LRRC17: variants seen among roughly 807,000 people sequenced by gnomAD.
The protein encoded by LRRC17 is leucine-rich repeat-containing protein 17.
LRRC17 carries 33 observed loss-of-function variants against 41.5 expected under a neutral mutation model. That is an observed-to-expected ratio of 0.80 (90% confidence interval 0.60 to 1.06). LRRC17 has a LOEUF of 1.06. LRRC17 is among the 50% of genes least tolerant of loss of function. LRRC17 has a pLI of 0.00. For synonymous variants in LRRC17, 192 were observed against 197.0 expected (o/e 0.97, Z 0.21); for missense variants, 491 against 519.3 (o/e 0.95, Z 0.53).
intron 1 of LRRC17, among the ~76,000 whole-genome samples, chr7:102,915,984 C>CTT (rs1167962491): frequency 2.8e-5 from 4 of 143,954 alleles, no homozygotes; most frequent in Admixed American, 6.9e-5. Context: ...TGAGTTTCTT[C>CTT]TTTTTTTTTT....
chr7:102,943,524 CA>C (rs1278880599), intron 3 of LRRC17, among the ~76,000 whole-genome samples: 1 of 152,100 alleles, frequency 6.6e-6, no homozygotes, highest in Non-Finnish European at 1.5e-5. Context: ...ATTCTCTCCA[CA>C]AAGGTAGTAA....
intron 1 of LRRC17, among the ~76,000 whole-genome samples, chr7:102,920,269 G>GTAA (rs1228837654): frequency 1.3e-5 from 2 of 152,136 alleles, no homozygotes; most frequent in African/African-American, 4.8e-5. Flanking sequence ...GATTATACAA[G>GTAA]TAAACATAGT....
chr7:102,922,765 G>A (rs1162755387), intron 1 of LRRC17, among the ~76,000 whole-genome samples: 1 of 151,990 alleles, frequency 6.6e-6, no homozygotes, highest in African/African-American at 2.4e-5. Context: ...GAGGTCAGGA[G>A]ATCGAGACCA....
At chr7:102,935,793 G>T (rs1232236974) in intron 2 of LRRC17, among the ~76,000 whole-genome samples, 1 of 152,170 alleles carries the variant, frequency 6.6e-6, no homozygotes, top group Non-Finnish European at 1.5e-5. Context: ...ATTAAAGCCA[G>T]ATGTCATTAA....
chr7:102,932,798 G>C (rs1356341331), intron 1 of LRRC17, among the ~76,000 whole-genome samples: 1 of 151,890 alleles, frequency 6.6e-6, no homozygotes, highest in Non-Finnish European at 1.5e-5. Flanking sequence ...TTGTAGAGAC[G>C]GGGTTTCCCC....
At position 102,934,495 on chromosome 7, in the gene LRRC17, T is replaced by A; in HGVS notation, c.582T>A (p.Ser194Arg). The change falls in exon 2 of 4, where the codon AGT becomes AGA. Residue 194 changes from serine to arginine, a missense_variant. By Grantham distance (110) the Ser-to-Arg change is moderately radical (BLOSUM62 -1). Coordinates refer to ENST00000339431, the MANE Select transcript of LRRC17 (RefSeq NM_001031692.3). ...RNLGNYAKCE[S>R]PQEQKNKKLR... ...TGGGGAACTACGCCAAGTGTGAAAGTCCACAAGAACAAAAAAATAAAAAAC... is the reference window on the plus strand; with the variant it reads ...TGGGGAACTACGCCAAGTGTGAAAGACCACAAGAACAAAAAAATAAAAAAC... The A allele has an allele frequency of 1.9e-6, 3 of 1,613,828 alleles. No homozygotes were observed. Among genetic ancestry groups the A allele is most frequent in the Non-Finnish European group, 2.5e-6 (3 of 1,179,984 alleles).
rs1348685975 is a variant in LRRC17 at position 102,915,449 on chromosome 7, A to C, written c.-141+2304A>C. ...GGATACTTATCTCCAAGAGTGGTGC[A>C]TACAATAATTCCAAGAGTTTGAAGG... On this transcript the variant is annotated intron_variant, in intron 1 of 3. Coordinates refer to ENST00000339431, the MANE Select transcript of LRRC17 (RefSeq NM_001031692.3). Among the ~76,000 whole-genome samples the C allele has an allele frequency of 3.9e-5, 6 of 152,062 alleles. No individual in the cohort carries two copies. The East Asian group carries it at 9.6e-4, about 24-fold the overall frequency.
intron 1 of LRRC17, chr7:102,932,050 G>T: frequency 2.2e-6 from 2 of 924,104 alleles, no homozygotes; most frequent in Non-Finnish European, 3.2e-6. Flanking sequence ...ACCTTGGCAA[G>T]TAACATGTTC....
Position 102,934,304 on chromosome 7 carries a change from C to T in LRRC17, c.391C>T (p.Leu131Phe), listed in dbSNP as rs756216285. The T allele has an allele frequency of 6.8e-6, 11 of 1,614,010 alleles. No homozygotes were observed. The highest frequency in any genetic ancestry group is 1.7e-5 in the Admixed American group (1 of 60,000). ...TGAGGCGTTCTTTGGTTTAAACAAA[C>T]TCACCACCCTCTTACTGCAGCACAA... is the stretch of plus-strand genomic sequence containing the variant. ...ESEAFFGLNK[L>F]TTLLLQHNQI... is the part of the protein sequence containing the mutation. The change falls in exon 2 of 4, where the codon CTC (leucine) becomes TTC (phenylalanine). Residue 131 changes from leucine to phenylalanine, a missense_variant. By Grantham distance (22) the Leu-to-Phe change is conservative. Coordinates refer to ENST00000339431, the MANE Select transcript of LRRC17 (RefSeq NM_001031692.3).
chr7:102,929,572 G>A (rs1818775636), intron 1 of LRRC17, among the ~76,000 whole-genome samples: 1 of 148,178 alleles, frequency 6.7e-6, no homozygotes, highest in Non-Finnish European at 1.5e-5. Flanking sequence ...GCTGAGGCAG[G>A]AGAATCACTT....
rs147729621 is a variant in LRRC17, at chr7:102,937,406, C to A, written c.773-2024C>A. On this transcript the variant is annotated intron_variant, in intron 2 of 3. Coordinates refer to ENST00000339431, the MANE Select transcript of LRRC17 (RefSeq NM_001031692.3). ...CCTGTAATCCCACCTACTTGGGAGG[C>A]TGAGCCATGAGAATCGCTTGAACTC... Among the ~76,000 whole-genome samples the A allele has an allele frequency of 2.8e-3, 420 of 149,354 alleles. 10 individuals are homozygous for A. The highest frequency in any genetic ancestry group is 0.026 in the Admixed American group (384 of 14,876).
intron 3 of LRRC17, 22 bp downstream of exon 3, chr7:102,939,607 C>A (rs767993933): frequency 6.3e-7 from 1 of 1,584,484 alleles, no homozygotes; most frequent in Admixed American, 1.8e-5. Context: ...TGTATAGCCC[C>A]TTCAATGGGT....
chr7:102,917,268 G>A (rs563102490), intron 1 of LRRC17, among the ~76,000 whole-genome samples: 53 of 152,282 alleles, frequency 3.5e-4, no homozygotes, highest in African/African-American at 1.2e-3. Context: ...GATCATGATA[G>A]TTCCTGATAA....
chr7:102,918,082 T>C (rs535300449), intron 1 of LRRC17, among the ~76,000 whole-genome samples: 1 of 152,306 alleles, frequency 6.6e-6, no homozygotes, highest in Non-Finnish European at 1.5e-5. Flanking sequence ...CTAAAAGCAA[T>C]GAAGAGAGAA....
chr7:102,938,368 C>T (rs1208459482), intron 2 of LRRC17, among the ~76,000 whole-genome samples: 1 of 152,182 alleles, frequency 6.6e-6, no homozygotes, highest in Non-Finnish European at 1.5e-5. Flanking sequence ...ATGCAATAAA[C>T]AGGGCCATTT....
intron 2 of LRRC17, among the ~76,000 whole-genome samples, chr7:102,937,986 C>G (rs975104508): frequency 6.6e-6 from 1 of 152,192 alleles, no homozygotes; most frequent in Non-Finnish European, 1.5e-5. Context: ...TTCAACCACA[C>G]AGACCTCAAT....
intron 3 of LRRC17, among the ~76,000 whole-genome samples, chr7:102,940,270 T>C (rs900935196): frequency 2.7e-5 from 4 of 150,144 alleles, no homozygotes; most frequent in African/African-American, 9.8e-5. Context: ...AGTGCAATGG[T>C]GCAATCTCGG....
intron 1 of LRRC17, among the ~76,000 whole-genome samples, chr7:102,924,895 C>T (rs888899934): frequency 6.4e-4 from 98 of 152,128 alleles, no homozygotes; most frequent in African/African-American, 2.2e-3. Context: ...TCCCAAAGTG[C>T]TGGGATTACA....
chr7:102,915,586 T>G (rs1042964009), intron 1 of LRRC17, among the ~76,000 whole-genome samples: 31 of 152,216 alleles, frequency 2.0e-4, no homozygotes, highest in Non-Finnish European at 4.0e-4. Context: ...TGCTTAACTT[T>G]TTTTAATGTC....
Sources: gnomAD v4.1 joint callset for allele counts (sites outside exome capture counted in the v4.1 genomes callset) on GRCh38, gnomAD v4.1.1 for gene constraint, MANE v1.5 for transcripts, NCBI Gene and HGNC (gene_info 2026-07-23, HGNC 2026-07-21) for gene names.